Variants in ADARB2 observed in about 807,000 individuals in gnomAD.
ADARB2 encodes adenosine deaminase RNA specific B2 (inactive).
A neutral mutation model predicts 62.2 loss-of-function variants in ADARB2; 25 were observed. The observed-to-expected ratio is 0.40, with a 90% CI of 0.29 to 0.56. ADARB2 has a LOEUF of 0.56. ADARB2 is among the 20% of genes least tolerant of loss of function. The pLI is 0.43. For missense variants in ADARB2, 1,071 were observed against 1,077.4 expected (o/e 0.99, Z 0.08); for synonymous variants, 572 against 500.8 (o/e 1.14, Z -1.90).
chr10:1,695,110 T>A (rs1345125916), intron 1 of ADARB2, among the ~76,000 whole-genome samples: 1 of 152,114 alleles, frequency 6.6e-6, no homozygotes, highest in Admixed American at 6.5e-5. Context: ...AAACAGCGCA[T>A]CTGTTCAGCA....
rs963265653 is a variant in ADARB2 at position 1,250,905 on chromosome 10, A to G, written c.1193-8606T>C. On this transcript the variant is annotated intron_variant, in intron 4 of 9. Coordinates refer to ENST00000381312, the MANE Select transcript of ADARB2 (RefSeq NM_018702.4). ...TGGGGTGTGAAGTGAAACAGGTGGA[A>G]CAAAGTGGGGAGTCCAGAAATTGAC... is the stretch of plus-strand genomic sequence containing the variant. 5.9e-5 allele frequency among the ~76,000 whole-genome samples: 9 copies of G among 152,208 alleles called. No individual in the cohort carries two copies. The East Asian group carries it at 1.5e-3, about 26-fold the overall frequency.
intron 3 of ADARB2, among the ~76,000 whole-genome samples, chr10:1,315,275 G>A (rs1325152749): frequency 6.6e-6 from 1 of 152,222 alleles, no homozygotes; most frequent in East Asian, 1.9e-4. Context: ...AGGGTCTGCA[G>A]GGGCTCCTGG....
At chr10:1,462,637 A>G (rs1023295171) in intron 1 of ADARB2, among the ~76,000 whole-genome samples, 3 of 150,460 alleles carry the variant, frequency 2.0e-5, no homozygotes, top group Non-Finnish European at 4.4e-5. Context: ...ACATGAGTGT[A>G]TGTGCCTGTG....
At chr10:1,347,179 C>T (rs780150389) in intron 3 of ADARB2, among the ~76,000 whole-genome samples, 3 of 152,222 alleles carry the variant, frequency 2.0e-5, no homozygotes, top group Non-Finnish European at 4.4e-5. Flanking sequence ...ACGTGTTACT[C>T]CAGAAATGGG....
chr10:1,621,796 A>G (rs546052686), intron 1 of ADARB2, among the ~76,000 whole-genome samples: 47 of 152,338 alleles, frequency 3.1e-4, no homozygotes, highest in African/African-American at 1.1e-3. Context: ...TTCATCCCAA[A>G]TTATCCATGG....
intron 1 of ADARB2, chr10:1,394,891 T>C (rs1245813518): frequency 2.2e-6 from 1 of 456,952 alleles, no homozygotes; most frequent in South Asian, 1.5e-5. Flanking sequence ...TTCTTTTCTT[T>C]TCTTCCTCCC....
At chr10:1,729,206 T>C (rs1481876922) in intron 1 of ADARB2, among the ~76,000 whole-genome samples, 1 of 152,224 alleles carries the variant, frequency 6.6e-6, no homozygotes, top group Non-Finnish European at 1.5e-5. Flanking sequence ...TATGTTTTTC[T>C]TTACCTAAGG....
chr10:1,449,164 T>G lies in ADARB2; in HGVS notation c.101-70004A>C, dbSNP rs57508058. Among the ~76,000 whole-genome samples, 523 of 152,212 alleles carry G rather than the reference T, an allele frequency of 3.4e-3. 1 individual carries two copies. The highest frequency in any genetic ancestry group is 4.7e-3 in the Non-Finnish European group (317 of 68,008). ...TCACCCGAGTGACCCCCACTCCTTT[T>G]CTTTATTGCCAGGAACAGTCAGCCC... On this transcript the variant is annotated intron_variant, in intron 1 of 9. Transcript: ENST00000381312.
At chr10:1,508,193 C>G (rs950634739) in intron 1 of ADARB2, among the ~76,000 whole-genome samples, 1 of 152,126 alleles carries the variant, frequency 6.6e-6, no homozygotes, top group African/African-American at 2.4e-5. Flanking sequence ...TTTGAGGGCC[C>G]CTTGGTGGTT....
intron 1 of ADARB2, among the ~76,000 whole-genome samples, chr10:1,539,631 C>T (rs1195989185): frequency 6.6e-6 from 1 of 152,234 alleles, no homozygotes; most frequent in Non-Finnish European, 1.5e-5. Context: ...TAGTTATTGC[C>T]TTCACTTTGC....
intron 6 of ADARB2, among the ~76,000 whole-genome samples, chr10:1,230,178 C>A (rs1050933034): frequency 2.0e-5 from 3 of 152,204 alleles, no homozygotes; most frequent in Non-Finnish European, 4.4e-5. Context: ...CACTCTGCGG[C>A]CTCTGCATTT....
chr10:1,595,323 CAG>C (rs1300703926), intron 1 of ADARB2, among the ~76,000 whole-genome samples: 1 of 152,198 alleles, frequency 6.6e-6, no homozygotes, highest in Non-Finnish European at 1.5e-5. Flanking sequence ...GAGAGGGTCT[CAG>C]AGTACAGCAA....
chr10:1,277,048 T>A (rs1343362970), intron 3 of ADARB2, among the ~76,000 whole-genome samples: 2 of 152,190 alleles, frequency 1.3e-5, no homozygotes, highest in Non-Finnish European at 2.9e-5. Context: ...AAGATGTTCT[T>A]TGAAACCAAG....
intron 3 of ADARB2, among the ~76,000 whole-genome samples, chr10:1,277,151 G>T (rs1164649233): frequency 1.3e-5 from 2 of 152,332 alleles, no homozygotes; most frequent in East Asian, 3.8e-4. Flanking sequence ...ACAAGAGAAA[G>T]CAGGAAAGAT....
intron 2 of ADARB2, among the ~76,000 whole-genome samples, chr10:1,368,154 A>T (rs1832329741): frequency 6.7e-6 from 1 of 149,772 alleles, no homozygotes. Flanking sequence ...GGCGCAGGGG[A>T]CACTCGGGCT....
At chr10:1,256,782 A>G (rs1196116668) in intron 4 of ADARB2, among the ~76,000 whole-genome samples, 1 of 152,224 alleles carries the variant, frequency 6.6e-6, no homozygotes, top group African/African-American at 2.4e-5. Context: ...TTTGCAATTA[A>G]TAGATTGAAA....
intron 1 of ADARB2, among the ~76,000 whole-genome samples, chr10:1,708,534 T>A (rs949646455): frequency 6.6e-6 from 1 of 152,168 alleles, no homozygotes; most frequent in African/African-American, 2.4e-5. Flanking sequence ...ACAAGGCCCT[T>A]TAGTCAAGAC....
intron 1 of ADARB2, among the ~76,000 whole-genome samples, chr10:1,695,668 T>C (rs1201297214): frequency 6.6e-6 from 1 of 152,150 alleles, no homozygotes; most frequent in Non-Finnish European, 1.5e-5. Flanking sequence ...AGAGCGTATG[T>C]GCATGTATGC....
chr10:1,243,449 A>G (rs1011656476), intron 4 of ADARB2, among the ~76,000 whole-genome samples: 6 of 152,244 alleles, frequency 3.9e-5, no homozygotes, highest in African/African-American at 1.4e-4. Context: ...CTTCCCTCCC[A>G]TCTTAAATAA....
Sources: gnomAD v4.1 joint callset for allele counts (sites outside exome capture counted in the v4.1 genomes callset) on GRCh38, gnomAD v4.1.1 for gene constraint, MANE v1.5 for transcripts, NCBI Gene and HGNC (gene_info 2026-07-23, HGNC 2026-07-21) for gene names.